Variants in LAMC3 observed in about 807,000 individuals in gnomAD.
The protein encoded by LAMC3 is laminin subunit gamma 3, also known as laminin subunit gamma-3.
LAMC3 carries 128 observed loss-of-function variants against 173.8 expected under a neutral mutation model. The observed-to-expected ratio is 0.74, with a 90% CI of 0.64 to 0.85. The LOEUF is 0.85. Among genes scored for constraint, LAMC3 ranks in the 40% least tolerant of loss-of-function variants. LAMC3 has a pLI of 0.00. For synonymous variants in LAMC3, 897 were observed against 909.1 expected (o/e 0.99, Z 0.24); for missense variants, 2,022 against 2,156.0 (o/e 0.94, Z 1.23).
At chr9:131,015,779 C>G (rs1304151309) in intron 1 of LAMC3, among the ~76,000 whole-genome samples, 1 of 152,196 alleles carries the variant, frequency 6.6e-6, no homozygotes, top group African/African-American at 2.4e-5. Context: ...CTTCAGCCTC[C>G]CAAGTAGCTG....
At chr9:131,051,623 A>G (rs1834288030) in intron 9 of LAMC3, among the ~76,000 whole-genome samples, 1 of 152,112 alleles carries the variant, frequency 6.6e-6, no homozygotes, top group African/African-American at 2.4e-5. Flanking sequence ...TCAGCCTCCA[A>G]AAGTGCTGGG....
Position 131,029,991 on chromosome 9 carries a change from A to C in LAMC3, c.679-2054A>C, listed in dbSNP as rs1357385825. Among the ~76,000 whole-genome samples the C allele has an allele frequency of 6.8e-6, 1 of 146,902 alleles. No individual in the cohort carries two copies. ...AGTTTCGCTCTGTCGCCCAGGCTGG[A>C]GTGCAGTGGCACGATCTTGGCTCAC... On this transcript the variant is annotated intron_variant, in intron 2 of 27. Transcript: ENST00000361069. The surrounding 1 kb of genome is among the most constrained non-coding windows in gnomAD (Gnocchi z 4.6).
At chr9:131,017,168 G>T (rs2133209568) in intron 1 of LAMC3, among the ~76,000 whole-genome samples, 1 of 152,292 alleles carries the variant, frequency 6.6e-6, no homozygotes, top group South Asian at 2.1e-4. Context: ...AAAGGATGCT[G>T]TGCGCGGGCT....
rs377567731 is a variant in LAMC3, at chr9:131,036,310, C to T, written c.954C>T (p.Ala318=). 20 of 1,612,836 alleles carry T rather than the reference C, an allele frequency of 1.2e-5. No individual in the cohort carries two copies. The African/African-American group carries it at 2.0e-4, about 16-fold the overall frequency. The part of the protein sequence containing the change: ...FQDRPWARGT[A]EAAHECLPCN... ...ACCGCCCGTGGGCCCGGGGCACCGC[C>T]GAGGCTGCCCACGAGTGTCTGCGTG... The change falls in exon 4 of 28, where the codon GCC becomes GCT. Residue 318 remains alanine (A), a synonymous_variant. Coordinates refer to ENST00000361069, the MANE Select transcript of LAMC3 (RefSeq NM_006059.4).
At chr9:131,078,690 GCA>G (rs2133338577) in intron 22 of LAMC3, among the ~76,000 whole-genome samples, 1 of 152,308 alleles carries the variant, frequency 6.6e-6, no homozygotes, top group South Asian at 2.1e-4. Flanking sequence ...GGTAGAACCT[GCA>G]CAGTTCTCCT....
At chr9:131,032,464 T>TTCGCTCTCGCTCTCTTTCTC (rs1297354789) in intron 3 of LAMC3, among the ~76,000 whole-genome samples, 10 of 146,038 alleles carry the variant, frequency 6.8e-5, no homozygotes, top group Middle Eastern at 3.5e-3. Context: ...CCTTCCTCCC[T>TTCGCTCTCGCTCTCTTTCTC]TCGCTCTCGC....
intron 1 of LAMC3, among the ~76,000 whole-genome samples, chr9:131,023,454 T>C (rs1346634968): frequency 6.6e-6 from 1 of 152,220 alleles, no homozygotes; most frequent in Non-Finnish European, 1.5e-5. Context: ...ATTACCTCTG[T>C]TCATGCTACC....
chr9:131,050,871 G>A (rs1834269839), intron 9 of LAMC3, among the ~76,000 whole-genome samples: 2 of 152,220 alleles, frequency 1.3e-5, no homozygotes, highest in Non-Finnish European at 2.9e-5. Flanking sequence ...GGCCGGTTGT[G>A]GAACAGTGTG....
Position 131,069,928 on chromosome 9 carries a change from G to A in LAMC3, c.3069+78G>A, listed in dbSNP as rs1830011501. The A allele has an allele frequency of 2.0e-5, 28 of 1,416,000 alleles. 1 individual carries two copies. The South Asian group carries it at 3.5e-4, about 17-fold the overall frequency. 87.7% of individuals were successfully genotyped at this position (1,416,000 alleles called of 1,614,324 possible). ...GTGCCAGCTCTATGCCGGGCACCAG[G>A]AACTGCCTGCTTACCCCCAGTGCTC... On this transcript the variant is annotated intron_variant, in intron 17 of 27. Coordinates refer to ENST00000361069, the MANE Select transcript of LAMC3 (RefSeq NM_006059.4).
intron 6 of LAMC3, 71 bp from the exon 7 acceptor site, chr9:131,041,562 CCCTT>C (rs1834057767): frequency 7.6e-7 from 1 of 1,321,820 alleles, no homozygotes; most frequent in Middle Eastern, 1.8e-4. Context: ...AGGGAAAGCT[CCCTT>C]CCTAGGATGG....
At chr9:131,032,954 C>T (rs951698754) in intron 3 of LAMC3, among the ~76,000 whole-genome samples, 1 of 152,256 alleles carries the variant, frequency 6.6e-6, no homozygotes, top group African/African-American at 2.4e-5. Flanking sequence ...AGGCATGAGC[C>T]ACGGCCCCCT....
chr9:131,052,466 C>T, intron 9 of LAMC3, 25 bp from the exon 10 acceptor site: 1 of 1,592,840 alleles, frequency 6.3e-7, no homozygotes, highest in Non-Finnish European at 8.6e-7. Flanking sequence ...TGAAGACTGT[C>T]AAAGCCTTCT....
At position 131,069,847 on chromosome 9, in the gene LAMC3, G is replaced by A. The variant is rs745626055; in HGVS notation, c.3066G>A (p.Glu1022=). 7.5e-5 allele frequency: 119 copies of A among 1,586,414 alleles called. No homozygotes were observed. Among genetic ancestry groups the A allele is most frequent in the Non-Finnish European group, 1.0e-4 (117 of 1,166,010 alleles). The part of the protein sequence containing the change: ...QCPSCYALVK[E]EAAKLKARLT... ...CGTCCTGCTACGCCCTGGTGAAGGA[G>A]GAGGTGAGTCGGCCCAGACCCACTC... Residue 1022 remains glutamate (E), a synonymous_variant, in exon 17 of 28, where the codon GAG becomes GAA. Coordinates refer to ENST00000361069, the MANE Select transcript of LAMC3 (RefSeq NM_006059.4).
At chr9:131,036,042 G>C (rs550102505) in intron 3 of LAMC3, 124 bp from the exon 4 acceptor site, 3 of 1,000,636 alleles carry the variant, frequency 3.0e-6, no homozygotes, top group African/African-American at 3.2e-5. Context: ...TAGGTGTTCA[G>C]TGAGGGCCAA....
intron 3 of LAMC3, among the ~76,000 whole-genome samples, chr9:131,034,766 A>G (rs1443416517): frequency 2.0e-5 from 3 of 152,152 alleles, no homozygotes; most frequent in Admixed American, 6.5e-5. Flanking sequence ...GACAGGGACA[A>G]TCACTCACAG....
chr9:131,033,496 G>A (rs571313558), intron 3 of LAMC3, among the ~76,000 whole-genome samples: 4 of 152,254 alleles, frequency 2.6e-5, no homozygotes, highest in Middle Eastern at 3.4e-3. Context: ...CGGCCAACGT[G>A]GCTGGGTGGA....
intron 1 of LAMC3, among the ~76,000 whole-genome samples, chr9:131,012,652 G>T (rs1361851009): frequency 1.3e-5 from 2 of 152,226 alleles, no homozygotes; most frequent in African/African-American, 4.8e-5. Flanking sequence ...TTGCATAATA[G>T]CGGGGGAAGG....
chr9:131,079,823 A>ACAG (rs1830205326), intron 23 of LAMC3, among the ~76,000 whole-genome samples: 1 of 151,934 alleles, frequency 6.6e-6, no homozygotes, highest in African/African-American at 2.4e-5. Context: ...CTGACAGAGG[A>ACAG]CAGCAGCAGC....
chr9:131,033,844 T>G (rs1457314834), intron 3 of LAMC3, among the ~76,000 whole-genome samples: 1 of 151,974 alleles, frequency 6.6e-6, no homozygotes, highest in Non-Finnish European at 1.5e-5. Context: ...ACTCTGGGCC[T>G]CCACAGTTCA....
Sources: allele counts gnomAD v4.1 joint callset (sites outside exome capture counted in the v4.1 genomes callset), GRCh38; gene constraint gnomAD v4.1.1; non-coding constraint Gnocchi (gnomAD v3.1); transcripts MANE v1.5; gene names NCBI Gene and HGNC (gene_info 2026-07-23, HGNC 2026-07-21).